The following DNAH5 variants were observed in gnomAD, a reference collection of about 807,000 sequenced individuals.
DNAH5 encodes axonemal beta dynein heavy chain 5.
DNAH5 carries 372 observed loss-of-function variants against 518.2 expected under a neutral mutation model. The observed-to-expected ratio is 0.72, with a 90% confidence interval of 0.66 to 0.78. The LOEUF (loss-of-function observed/expected upper bound fraction) is 0.78. DNAH5 is among the 30% of genes least tolerant of loss of function. The pLI, the probability that DNAH5 is intolerant of heterozygous loss-of-function variation, is 0.00. For synonymous variants in DNAH5, 2,039 were observed against 2,025.9 expected, an observed-to-expected ratio of 1.01 and a Z score of -0.17; for missense variants, 5,523 against 5,687.0, an observed-to-expected ratio of 0.97 and a Z score of 0.93.
Position 13,735,166 on chromosome 5 carries a change from C to T in DNAH5, c.11726G>A (p.Arg3909Gln), listed in dbSNP as rs761043906. ...AGTGAGAAACTCTTCATGCTTGACTCGGTTCCTCTGGATGTCAATCTTTAG... is the reference window on the plus strand; with the variant it reads ...AGTGAGAAACTCTTCATGCTTGACTTGGTTCCTCTGGATGTCAATCTTTAG... ...LTLKIDIQRN[R>Q]VKHEEFLTLI... Residue 3909 changes from arginine to glutamine, a missense_variant, in exon 68 of 79, where the codon CGA (arginine) becomes CAA (glutamine). This residue lies in a region of DNAH5 where 5,121 missense variants were observed against 5,223.3 expected (regional missense o/e 0.98). Coordinates refer to ENST00000265104, the MANE Select transcript of DNAH5 (RefSeq NM_001369.3). 9.9e-6 allele frequency: 16 copies of T among 1,613,964 alleles called. No individual in the cohort carries two copies. Among genetic ancestry groups the T allele is most frequent in the South Asian group, 8.8e-5 (8 of 91,078 alleles).
At chr5:13,878,431 G>A (rs1022446933) in intron 21 of DNAH5, among the ~76,000 whole-genome samples, 9 of 152,208 alleles carry the variant, frequency 5.9e-5, no homozygotes, top group East Asian at 5.8e-4. Flanking sequence ...GCACCCCCCC[G>A]CCTAGTGTCT....
Position 13,769,092 on chromosome 5 carries a change from G to C in DNAH5, c.9765C>G (p.Val3255=), listed in dbSNP as rs1752924645. The change falls in exon 58 of 79, where the codon GTC becomes GTG. Residue 3255 remains valine, a synonymous_variant. Coordinates refer to ENST00000265104, the MANE Select transcript of DNAH5 (RefSeq NM_001369.3). ...CCTTCACCTTCTGTACCTCAGCCTT[G>C]ACCTTTTCAGCAGCCTGTGCTTTCA... ...VTMKAQAAEK[V]KAEVQKVKDR... 4 of 1,614,146 alleles carry C rather than the reference G, an allele frequency of 2.5e-6. No individual in the cohort carries two copies. The East Asian group carries it at 8.9e-5, about 36-fold the overall frequency.
At chr5:13,718,420 C>T (rs1285650450) in intron 72 of DNAH5, among the ~76,000 whole-genome samples, 3 of 152,180 alleles carry the variant, frequency 2.0e-5, no homozygotes, top group African/African-American at 7.2e-5. Context: ...AGAGCGACCT[C>T]AGCCCCAGTC....
intron 30 of DNAH5, 48 bp downstream of exon 30, chr5:13,859,404 G>A (rs530614658): frequency 1.2e-6 from 2 of 1,609,178 alleles, no homozygotes; most frequent in African/African-American, 2.7e-5. Context: ...ATCGCTCTGA[G>A]AGCTTTCTCT....
At chr5:13,959,989 A>C (rs1400841530) in intron 1 of DNAH5, among the ~76,000 whole-genome samples, 1 of 151,962 alleles carries the variant, frequency 6.6e-6, no homozygotes, top group Non-Finnish European at 1.5e-5. Context: ...ATTCCTCATG[A>C]CTGAGTCCAG....
At chr5:13,940,889 T>G (rs1162739153) in intron 1 of DNAH5, among the ~76,000 whole-genome samples, 3 of 152,242 alleles carry the variant, frequency 2.0e-5, no homozygotes, top group African/African-American at 7.2e-5. Context: ...GGTTTTTCCC[T>G]GCCATATCAC....
chr5:13,947,832 G>A (rs1780049303), upstream of DNAH5, among the ~76,000 whole-genome samples: 1 of 152,180 alleles, frequency 6.6e-6, no homozygotes, highest in South Asian at 2.1e-4. Context: ...TGGCAAATGA[G>A]TTCAGTGGGA....
chr5:13,935,791 G>A (rs1026902131), intron 1 of DNAH5, among the ~76,000 whole-genome samples: 4 of 152,192 alleles, frequency 2.6e-5, no homozygotes, highest in African/African-American at 9.6e-5. Flanking sequence ...CTAGTTCTTT[G>A]GGGGTTGGCT....
intron 1 of DNAH5, among the ~76,000 whole-genome samples, chr5:13,972,420 T>C (rs1293330147): frequency 2.0e-5 from 3 of 152,184 alleles, no homozygotes; most frequent in African/African-American, 4.8e-5. Flanking sequence ...CCCTGTGGTC[T>C]TTCCCCAATT....
chr5:13,911,343 A>G, intron 12 of DNAH5, 43 bp downstream of exon 12: 1 of 1,504,962 alleles, frequency 6.6e-7, no homozygotes, highest in South Asian at 1.1e-5. Flanking sequence ...AAAGGAAAAA[A>G]TAAACACACG....
chr5:13,890,771 G>A (rs534260682), intron 17 of DNAH5, among the ~76,000 whole-genome samples: 1 of 152,298 alleles, frequency 6.6e-6, no homozygotes, highest in African/African-American at 2.4e-5. Flanking sequence ...GAAATGATGT[G>A]TTCCCCATAG....
chr5:13,820,305 T>A (rs770379045), intron 41 of DNAH5, 41 bp downstream of exon 41: 1 of 1,601,486 alleles, frequency 6.2e-7, no homozygotes, highest in Non-Finnish European at 8.5e-7. Context: ...CACCACTACT[T>A]AAATGGGCCA....
intron 1 of DNAH5, among the ~76,000 whole-genome samples, chr5:13,993,483 T>C (rs1019432304): frequency 6.6e-6 from 1 of 152,234 alleles, no homozygotes; most frequent in Admixed American, 6.5e-5. Flanking sequence ...TCTACCCCAC[T>C]GTACTATTAC....
intron 22 of DNAH5, among the ~76,000 whole-genome samples, chr5:13,875,935 A>G (rs560827897): frequency 6.6e-6 from 1 of 152,344 alleles, no homozygotes; most frequent in African/African-American, 2.4e-5. Context: ...AACTCATTGT[A>G]TCAAAACTGA....
chr5:13,958,714 G>A (rs904539333), intron 1 of DNAH5, among the ~76,000 whole-genome samples: 9 of 152,036 alleles, frequency 5.9e-5, no homozygotes, highest in Non-Finnish European at 8.8e-5. Flanking sequence ...TAGAACTACA[G>A]GTAACATTAA....
Position 13,794,042 on chromosome 5 carries a change from T to C in DNAH5, c.7904A>G (p.Tyr2635Cys), listed in dbSNP as rs1360120222. The change falls in exon 48 of 79, where the codon TAT becomes TGT. Residue 2635 changes from tyrosine to cysteine, a missense_variant. Physicochemically the swap from Tyr to Cys is radical, Grantham distance 194. This residue lies in a region of DNAH5 where 5,121 missense variants were observed against 5,223.3 expected (regional missense o/e 0.98). Transcript: ENST00000265104. ...TGTTGTACCCATTCGTTTATCCACA[T>C]AGCTCTCTATCGTCCTCTGTGAAAA... is the stretch of plus-strand genomic sequence containing the variant. ...PLMFQRTIES[Y>C]VDKRMGTTYG... 1 of 1,613,962 alleles carries C rather than the reference T, an allele frequency of 6.2e-7. No homozygotes were observed. The highest frequency in any genetic ancestry group is 8.5e-7 in the Non-Finnish European group (1 of 1,179,992).
chr5:13,968,519 A>G (rs1423772597), intron 1 of DNAH5, among the ~76,000 whole-genome samples: 1 of 152,178 alleles, frequency 6.6e-6, no homozygotes, highest in Non-Finnish European at 1.5e-5. Context: ...GGTTTTAATC[A>G]TAAAGGGATG....
At chr5:13,860,151 T>C (rs1768201671) in intron 29 of DNAH5, among the ~76,000 whole-genome samples, 1 of 152,200 alleles carries the variant, frequency 6.6e-6, no homozygotes, top group Non-Finnish European at 1.5e-5. Flanking sequence ...GTGTGCAAGA[T>C]TACTGCCTCT....
At chr5:13,892,509 T>G (rs562419655) in intron 16 of DNAH5, among the ~76,000 whole-genome samples, 11 of 152,358 alleles carry the variant, frequency 7.2e-5, no homozygotes, top group African/African-American at 2.6e-4. Flanking sequence ...TTTTACATAG[T>G]TTTCTCTCAA....
Sources: allele counts gnomAD v4.1 joint callset (sites outside exome capture counted in the v4.1 genomes callset), GRCh38; gene constraint gnomAD v4.1.1; regional missense constraint gnomAD v4.1.1; transcripts MANE v1.5; gene names NCBI Gene and HGNC (gene_info 2026-07-23, HGNC 2026-07-21).